Variants in TTN observed in about 807,000 individuals in gnomAD.
The protein encoded by TTN is titin.
Under a neutral mutation model 3,223.0 loss-of-function variants are expected in TTN, and 1,525 were observed. The ratio of observed to expected loss-of-function variants is 0.47; its 90% confidence interval spans 0.45 to 0.49. TTN has a LOEUF of 0.49. Ranked by LOEUF, TTN falls within the 20% of genes least tolerant of loss-of-function variation. The pLI, the probability that TTN is intolerant of heterozygous loss-of-function variation, is 0.00. For missense variants in TTN, 40,786 were observed against 43,424.0 expected (o/e 0.94, Z 5.40); for synonymous variants, 14,094 against 15,161.0 (o/e 0.93, Z 5.17).
chr2:178,539,399 G>T lies in TTN; in HGVS notation c.98666C>A (p.Thr32889Lys), dbSNP rs1693292110. 6.2e-7 allele frequency: 1 copy of T among 1,611,746 alleles called. No homozygotes were observed. The highest frequency in any genetic ancestry group is 8.5e-7 in the Non-Finnish European group (1 of 1,178,114). Residue 32889 changes from threonine (T) to lysine (K), a missense_variant, in exon 352 of 363, where the codon ACA (threonine) becomes AAA (lysine). Physicochemically the swap from Thr to Lys is moderately conservative, Grantham distance 78. Coordinates refer to ENST00000589042, the MANE Select transcript of TTN (RefSeq NM_001267550.2). ...SKPLKSEEPV[T>K]PKTPLNPPEP... ...GCACTTACTCAATGGTGTTTTTGGTGTGACTGGTTCCTCAGATTTCAAGGG... is the reference window on the plus strand; with the variant it reads ...GCACTTACTCAATGGTGTTTTTGGTTTGACTGGTTCCTCAGATTTCAAGGG...
intron 220 of TTN, 98 bp from the exon 221 acceptor site, chr2:178,640,728 T>C: frequency 2.0e-6 from 2 of 985,588 alleles, no homozygotes; most frequent in Non-Finnish European, 3.0e-6. Flanking sequence ...CTATGGATGG[T>C]TTTTTAAAAA....
intron 2 of TTN, among the ~76,000 whole-genome samples, chr2:178,803,614 T>A (rs2094172272): frequency 6.6e-6 from 1 of 151,776 alleles, no homozygotes; most frequent in East Asian, 1.9e-4. Context: ...AAAAAAGAAA[T>A]TTTATTTTAT....
Position 178,695,465 on chromosome 2 carries a change from G to C in TTN, c.31208-55C>G, listed in dbSNP as rs532217544. On this transcript the variant is annotated intron_variant, in intron 114 of 362. Transcript: ENST00000589042. ...ATGCTTAAATAGGTAAGTTCTCTTAGGTTGTTAATTGCAAATGAGATAAGG... is the reference window on the plus strand; with the variant it reads ...ATGCTTAAATAGGTAAGTTCTCTTACGTTGTTAATTGCAAATGAGATAAGG... 132 of 1,394,550 alleles carry C rather than the reference G, an allele frequency of 9.5e-5. 1 individual carries two copies. The highest frequency in any genetic ancestry group is 8.9e-4 in the Middle Eastern group (5 of 5,622). 86.4% of individuals were successfully genotyped at this position (1,394,550 alleles called of 1,614,324 possible).
Position 178,542,444 on chromosome 2 carries a change from C to G in TTN, c.97312G>C (p.Glu32438Gln). The G allele has an allele frequency of 6.2e-7, 1 of 1,613,690 alleles. No individual in the cohort carries two copies. Among genetic ancestry groups the G allele is most frequent in the Non-Finnish European group, 8.5e-7 (1 of 1,179,722 alleles). Residue 32438 changes from glutamate (E) to glutamine (Q), a missense_variant, in exon 349 of 363, where the codon GAA becomes CAA. By Grantham distance (29) the Glu-to-Gln change is conservative (BLOSUM62 2). Coordinates refer to ENST00000589042, the MANE Select transcript of TTN (RefSeq NM_001267550.2). ...CCTGGACGATGAGCGTCACGTTGTT[C>G]TACCACATAACCACTCAGTGGAGCA... Reference protein sequence around the residue: ...GGAPLSGYVVEQRDAHRPGWL... With the variant: ...GGAPLSGYVVQQRDAHRPGWL...
chr2:178,707,931 G>C (rs2076120898), intron 99 of TTN, 118 bp from the exon 100 acceptor site: 1 of 1,045,416 alleles, frequency 9.6e-7, no homozygotes, highest in Non-Finnish European at 1.4e-6. Context: ...TGCTGTAGTA[G>C]GACAGAATTA....
Position 178,529,975 on chromosome 2 carries a change from T to A in TTN, c.106516A>T (p.Lys35506Ter). ...NSAGSVSSSC[K>*]LTIKAIKDTE... ...GCCAACCTACCTTTTATTGTTAATT[T>A]GCAGCTAGAGGACACAGATCCAGCT... Residue 35506 changes from lysine (K) to a stop codon, truncating the protein, a stop_gained, in exon 359 of 363, where the codon AAA (lysine) becomes TAA (stop). Transcript: ENST00000589042. LOFTEE classifies it high-confidence loss of function. The A allele has an allele frequency of 6.3e-7, 1 of 1,595,272 alleles. No individual in the cohort carries two copies. Among genetic ancestry groups the A allele is most frequent in the South Asian group, 1.2e-5 (1 of 85,884 alleles).
At chr2:178,765,683 T>C (rs1251774187) in intron 41 of TTN, among the ~76,000 whole-genome samples, 2 of 152,160 alleles carry the variant, frequency 1.3e-5, no homozygotes, top group Admixed American at 1.3e-4. Context: ...CAAAGAGATA[T>C]GGCCTAGGAT....
chr2:178,768,722 G>A lies in TTN; in HGVS notation c.9114C>T (p.Tyr3038=). 1.2e-6 allele frequency: 2 copies of A among 1,614,106 alleles called. No individual in the cohort carries two copies. The highest frequency in any genetic ancestry group is 1.7e-6 in the Non-Finnish European group (2 of 1,180,018). ...RNVHFGDAAD[Y]TFVAGKATST... ...ATGTTGCTTTTCCAGCCACAAAGGT[G>A]TAGTCAGCAGCATCCCCAAAGTGAA... The change falls in exon 38 of 363, where the codon TAC becomes TAT. Residue 3038 remains tyrosine (Y), a synonymous_variant. Coordinates refer to ENST00000589042, the MANE Select transcript of TTN (RefSeq NM_001267550.2).
rs2857271 is a variant in TTN, at chr2:178,530,794, G to A, written c.105821C>T (p.Thr35274Ile). ...GACTGGGAGGTGCTGAACTTTCTCTGTTGGTGTTGGTTTTGTCTCTGTGGG... is the reference window on the plus strand; with the variant it reads ...GACTGGGAGGTGCTGAACTTTCTCTATTGGTGTTGGTTTTGTCTCTGTGGG... ...VSPTETKPTPTEKVQHLPVSA... is the reference protein window; with the variant it reads ...VSPTETKPTPIEKVQHLPVSA... The change falls in exon 358 of 363, where the codon ACA becomes ATA. Residue 35274 changes from threonine (T) to isoleucine (I), a missense_variant. Coordinates refer to ENST00000589042, the MANE Select transcript of TTN (RefSeq NM_001267550.2). 20 of 1,613,738 alleles carry A rather than the reference G, an allele frequency of 1.2e-5. No individual in the cohort carries two copies. Among genetic ancestry groups the A allele is most frequent in the Admixed American group, 3.3e-5 (2 of 59,980 alleles).
In TTN at chr2:178,769,826, C is replaced by T. The variant is rs1407181153; in HGVS notation, c.8755G>A (p.Val2919Met). The T allele has an allele frequency of 6.2e-7, 1 of 1,614,060 alleles. No individual in the cohort carries two copies. The change falls in exon 37 of 363, where the codon GTG (valine) becomes ATG (methionine). Residue 2919 changes from valine (V) to methionine (M), a missense_variant. By Grantham distance (21) the Val-to-Met change is conservative (BLOSUM62 1). Coordinates refer to ENST00000589042, the MANE Select transcript of TTN (RefSeq NM_001267550.2). ...AACTTTTCACTCATCTCAATTTCCA[C>T]ACCATTCTTCAGCCACATGGAAGGG... is the stretch of plus-strand genomic sequence containing the variant. ...NVPSMWLKNG[V>M]EIEMSEKFKI...
Position 178,611,224 on chromosome 2 carries a change from C to T in TTN, c.50905G>A (p.Gly16969Ser), listed in dbSNP as rs878854314. 2 of 1,612,510 alleles carry T rather than the reference C, an allele frequency of 1.2e-6. No individual in the cohort carries two copies. The highest frequency in any genetic ancestry group is 3.3e-5 in the Admixed American group (2 of 59,892). ...LETHDIIVIE[G>S]EKLSIPVPFR... Reference sequence around the variant, plus strand: ...GGAACAGGAATGCTTAACTTTTCACCTTCAATAACAATAATGTCATGAGTC... The same window carrying T: ...GGAACAGGAATGCTTAACTTTTCACTTTCAATAACAATAATGTCATGAGTC... The change falls in exon 270 of 363, where the codon GGT becomes AGT. Residue 16969 changes from glycine (G) to serine (S), a missense_variant. Transcript: ENST00000589042.
rs751255726 is a variant in TTN at position 178,591,494 on chromosome 2, G to A, written c.60231C>T (p.Ser20077=). The change falls in exon 304 of 363, where the codon TCC becomes TCT. Residue 20077 remains serine, a synonymous_variant. Coordinates refer to ENST00000589042, the MANE Select transcript of TTN (RefSeq NM_001267550.2). ...IECQEKLVPP[S]VELDVKLIEG... is the part of the protein sequence containing the mutation. ...CAATTAATTTCACATCTAGCTCCAC[G>A]GATGGAGGCACTGAAAAGTAAACAT... 1.1e-5 allele frequency: 18 copies of A among 1,584,238 alleles called. No homozygotes were observed. The highest frequency in any genetic ancestry group is 1.5e-5 in the Non-Finnish European group (17 of 1,171,248).
chr2:178,605,428 A>ATGAC lies in TTN; in HGVS notation c.53863_53866dup (p.Ile17956SerfsTer5). The stretch of plus-strand genomic sequence containing the variant: ...AGATTCCGCACCTTCATCATCTTGT[A>ATGAC]TGACTACATTAAGAGGTAGGGATGG... On this transcript the variant is annotated frameshift_variant, in exon 279 of 363. Transcript: ENST00000589042. LOFTEE classifies it high-confidence loss of function. 1 of 1,599,966 alleles carries ATGAC rather than the reference A, an allele frequency of 6.3e-7. No individual in the cohort carries two copies. The highest frequency in any genetic ancestry group is 8.5e-7 in the Non-Finnish European group (1 of 1,171,996).
At chr2:178,586,889 T>A in intron 307 of TTN, 82 bp from the exon 308 acceptor site, 3 of 1,539,136 alleles carry the variant, frequency 1.9e-6, no homozygotes, top group Non-Finnish European at 2.6e-6. Flanking sequence ...AGTTTTAGTA[T>A]GGATTTGCTC....
At chr2:178,747,569 G>T in intron 47 of TTN, 1 of 1,613,264 alleles carries the variant, frequency 6.2e-7, no homozygotes. Context: ...AGTGTTGAAA[G>T]TTACTTCTTC....
Position 178,609,714 on chromosome 2 carries a change from T to TGA in TTN, c.51708_51709insTC (p.Thr17237SerfsTer8). 6.2e-7 allele frequency: 1 copy of TGA among 1,603,670 alleles called. No homozygotes were observed. The highest frequency in any genetic ancestry group is 1.3e-5 in the African/African-American group (1 of 74,694). The stretch of plus-strand genomic sequence containing the variant: ...GGATCTACAGCTTTGGTTGGAGGAG[T>TGA]AGCCCGAGAAGGTTCACTAATACCC... On this transcript the variant is annotated frameshift_variant, in exon 272 of 363. Transcript: ENST00000589042. LOFTEE classifies it high-confidence loss of function.
chr2:178,672,784 C>T, intron 152 of TTN, 81 bp from the exon 153 acceptor site: 2 of 1,176,600 alleles, frequency 1.7e-6, no homozygotes, highest in Non-Finnish European at 2.4e-6. Flanking sequence ...ACAACGCCAA[C>T]ATTACAATAA....
chr2:178,583,646 A>G lies in TTN; in HGVS notation c.65536T>C (p.Ser21846Pro). 1 of 1,611,510 alleles carries G rather than the reference A, an allele frequency of 6.2e-7. No individual in the cohort carries two copies. Among genetic ancestry groups the G allele is most frequent in the Non-Finnish European group, 8.5e-7 (1 of 1,178,698 alleles). Reference protein sequence around the residue: ...ARTAVNISPPSEPSDPVTILA... With the variant: ...ARTAVNISPPPEPSDPVTILA... ...ATAGTCACTGGATCAGAAGGTTCAG[A>G]AGGTGGGCTAATGTTTACCGCGGTC... Residue 21846 changes from serine (S) to proline (P), a missense_variant, in exon 312 of 363, where the codon TCT becomes CCT. By Grantham distance (74) the Ser-to-Pro change is moderately conservative. Transcript: ENST00000589042.
chr2:178,665,336 C>T (rs1403314120), intron 165 of TTN, 41 bp downstream of exon 165: 1 of 1,539,608 alleles, frequency 6.5e-7, no homozygotes, highest in Admixed American at 1.7e-5. Flanking sequence ...GAGCAGAGGA[C>T]AGATAATTTC....
Sources: allele counts gnomAD v4.1 joint callset (sites outside exome capture counted in the v4.1 genomes callset), GRCh38; gene constraint gnomAD v4.1.1; transcripts MANE v1.5; gene names NCBI Gene and HGNC (gene_info 2026-07-23, HGNC 2026-07-21).